Variants in RXRG observed in about 807,000 individuals in gnomAD.
The protein encoded by RXRG is retinoic acid receptor RXR-gamma.
RXRG carries 19 observed loss-of-function variants against 49.2 expected under a neutral mutation model. The observed-to-expected ratio is 0.39, with a 90% CI of 0.27 to 0.57. The LOEUF (loss-of-function observed/expected upper bound fraction) is 0.57. Among genes scored for constraint, RXRG ranks in the 20% least tolerant of loss-of-function variants. RXRG has a pLI of 0.64. For synonymous variants in RXRG, 224 were observed against 216.6 expected (o/e 1.03, Z -0.30); for missense variants, 452 against 592.5 (o/e 0.76, Z 2.46).
At chr1:165,433,510 A>T (rs6670374) in intron 1 of RXRG, among the ~76,000 whole-genome samples, 19,660 of 152,272 alleles carry the variant, frequency 0.13, 1,480 homozygotes, top group Middle Eastern at 0.23. Context: ...ATCTTTGCTC[A>T]GGCAATGATT....
Position 165,410,939 on chromosome 1 carries a change from G to C in RXRG, c.783+10C>G. On this transcript the variant is annotated intron_variant, in intron 5 of 9. Coordinates refer to ENST00000359842, the MANE Select transcript of RXRG (RefSeq NM_006917.5). The stretch of plus-strand genomic sequence containing the variant: ...AAATGGAACACACATGTGTGTCTAA[G>C]AGCACATACCGAGTTCTCCATATTC... The C allele has an allele frequency of 6.2e-7, 1 of 1,613,976 alleles. No homozygotes were observed. Among genetic ancestry groups the C allele is most frequent in the South Asian group, 1.1e-5 (1 of 91,046 alleles).
intron 4 of RXRG, among the ~76,000 whole-genome samples, chr1:165,414,432 T>C (rs1170398019): frequency 6.6e-6 from 1 of 152,204 alleles, no homozygotes; most frequent in East Asian, 1.9e-4. Flanking sequence ...TGTCCCTAAC[T>C]GAGCTGGGGA....
chr1:165,417,929 C>A (rs1320448027), intron 3 of RXRG, among the ~76,000 whole-genome samples: 1 of 151,756 alleles, frequency 6.6e-6, no homozygotes, highest in Admixed American at 6.6e-5. Context: ...CATGGTAAAA[C>A]CTCGTCTCTG....
At chr1:165,443,174 T>G (rs1211033614) in intron 1 of RXRG, among the ~76,000 whole-genome samples, 1 of 152,174 alleles carries the variant, frequency 6.6e-6, no homozygotes, top group Non-Finnish European at 1.5e-5. Context: ...CTTACTTTAG[T>G]TCTCTCCCTA....
At chr1:165,423,328 C>T (rs533020877) in intron 2 of RXRG, among the ~76,000 whole-genome samples, 9 of 152,312 alleles carry the variant, frequency 5.9e-5, no homozygotes, top group South Asian at 2.1e-4. Flanking sequence ...TGCTGCTGCA[C>T]GCAAGCCAGC....
chr1:165,416,031 C>T (rs1425512027), intron 4 of RXRG, among the ~76,000 whole-genome samples: 1 of 152,160 alleles, frequency 6.6e-6, no homozygotes, highest in South Asian at 2.1e-4. Context: ...GTTAAGATTA[C>T]AAGAATTTGT....
intron 4 of RXRG, among the ~76,000 whole-genome samples, chr1:165,413,764 G>C (rs1658030807): frequency 6.6e-6 from 1 of 150,662 alleles, no homozygotes; most frequent in Admixed American, 6.6e-5. Flanking sequence ...TCTGCCATGT[G>C]CTTGCTGTGT....
chr1:165,426,663 CT>C (rs1658495733), intron 2 of RXRG, among the ~76,000 whole-genome samples: 1 of 152,184 alleles, frequency 6.6e-6, no homozygotes, highest in Non-Finnish European at 1.5e-5. Context: ...TTCCTCCTCT[CT>C]AAAACTGTAT....
At chr1:165,428,564 A>G (rs568787182) in intron 2 of RXRG, among the ~76,000 whole-genome samples, 155 bp downstream of exon 2, 20 of 152,332 alleles carry the variant, frequency 1.3e-4, no homozygotes, top group African/African-American at 3.6e-4. Flanking sequence ...GACACATGCA[A>G]TGAAGGCCCT....
At chr1:165,418,239 A>G (rs1658196353) in intron 3 of RXRG, among the ~76,000 whole-genome samples, 1 of 151,870 alleles carries the variant, frequency 6.6e-6, no homozygotes, top group Non-Finnish European at 1.5e-5. Context: ...AGGGGTGGCT[A>G]ATTTAGGTCA....
rs558189671 is a variant in RXRG, at chr1:165,406,655, C to T, written c.1244+157G>A. Among the ~76,000 whole-genome samples the T allele has an allele frequency of 1.4e-3, 211 of 152,278 alleles. 1 individual carries two copies. The highest frequency in any genetic ancestry group is 4.4e-3 in the Admixed American group (68 of 15,296). On this transcript the variant is annotated intron_variant, in intron 9 of 9. Coordinates refer to ENST00000359842, the MANE Select transcript of RXRG (RefSeq NM_006917.5). Reference sequence around the variant, plus strand: ...TGAGCAAGACAGATAAGGCCGCTAGCCCAATGGAATTAACATTTTTGTGGC... The same window carrying T: ...TGAGCAAGACAGATAAGGCCGCTAGTCCAATGGAATTAACATTTTTGTGGC...
chr1:165,420,574 G>A (rs1006665875), intron 2 of RXRG, among the ~76,000 whole-genome samples: 4 of 152,166 alleles, frequency 2.6e-5, no homozygotes, highest in East Asian at 1.9e-4. Flanking sequence ...AGGAGTTCAC[G>A]GTAAAATGAG....
intron 3 of RXRG, 124 bp from the exon 4 acceptor site, chr1:165,417,344 G>A (rs1658158732): frequency 1.2e-6 from 1 of 808,380 alleles, no homozygotes; most frequent in Non-Finnish European, 1.9e-6. Context: ...GGGACAGAAA[G>A]CAAATAATCA....
intron 2 of RXRG, among the ~76,000 whole-genome samples, chr1:165,423,876 A>C (rs1299246924): frequency 6.6e-6 from 1 of 152,228 alleles, no homozygotes; most frequent in Non-Finnish European, 1.5e-5. Context: ...GGTCTATTCC[A>C]GCTCTAACAT....
chr1:165,441,650 T>C (rs1438074710), intron 1 of RXRG, among the ~76,000 whole-genome samples: 1 of 152,166 alleles, frequency 6.6e-6, no homozygotes, highest in African/African-American at 2.4e-5. Context: ...TGTTACAGTG[T>C]GTTTGTTAAA....
At chr1:165,421,817 C>T (rs963518621) in intron 2 of RXRG, among the ~76,000 whole-genome samples, 2 of 152,166 alleles carry the variant, frequency 1.3e-5, no homozygotes, top group African/African-American at 4.8e-5. Flanking sequence ...CAGGGGAGAG[C>T]CACTGTGCCT....
At chr1:165,439,531 T>G (rs777717530) in intron 1 of RXRG, among the ~76,000 whole-genome samples, 10 of 152,226 alleles carry the variant, frequency 6.6e-5, no homozygotes, top group Non-Finnish European at 1.2e-4. Context: ...CATCAGCTAA[T>G]GCATGCTTTC....
At chr1:165,433,650 T>C (rs1658741410) in intron 1 of RXRG, among the ~76,000 whole-genome samples, 1 of 152,248 alleles carries the variant, frequency 6.6e-6, no homozygotes, top group South Asian at 2.1e-4. Flanking sequence ...AGTAAGGAGC[T>C]GGCACTCAGT....
chr1:165,409,505 AC>A, intron 7 of RXRG, 52 bp downstream of exon 7: 1 of 1,363,926 alleles, frequency 7.3e-7, no homozygotes. Context: ...ACACACACAC[AC>A]ACACACACAC....
Sources: allele counts gnomAD v4.1 joint callset (sites outside exome capture counted in the v4.1 genomes callset), GRCh38; gene constraint gnomAD v4.1.1; transcripts MANE v1.5; gene names NCBI Gene and HGNC (gene_info 2026-07-23, HGNC 2026-07-21).